Variants in LRRC4C observed in about 807,000 individuals in gnomAD.
LRRC4C encodes the protein leucine-rich repeat-containing protein 4C.
A neutral mutation model predicts 33.6 loss-of-function variants in LRRC4C; 5 were observed. The ratio of observed to expected loss-of-function variants is 0.15; its 90% CI spans 0.08 to 0.31. The LOEUF (loss-of-function observed/expected upper bound fraction) is 0.31. Ranked by LOEUF, LRRC4C falls within the 10% of genes least tolerant of loss-of-function variation. The pLI is 1.00. For missense variants in LRRC4C, 560 were observed against 796.7 expected (o/e 0.70, Z 3.58); for synonymous variants, 329 against 302.0 (o/e 1.09, Z -0.93).
intron 3 of LRRC4C, among the ~76,000 whole-genome samples, chr11:40,443,276 G>A (rs1224593347): frequency 6.6e-6 from 1 of 152,176 alleles, no homozygotes; most frequent in Non-Finnish European, 1.5e-5. Flanking sequence ...CAACTGTGAT[G>A]ACAAACAAGA....
intron 2 of LRRC4C, among the ~76,000 whole-genome samples, chr11:40,813,314 T>C (rs1951570206): frequency 6.6e-6 from 1 of 152,150 alleles, no homozygotes; most frequent in Non-Finnish European, 1.5e-5. Flanking sequence ...CTCATAATCA[T>C]GGCGGAAGGC....
intron 2 of LRRC4C, among the ~76,000 whole-genome samples, chr11:40,689,233 C>T (rs188285719): frequency 3.7e-4 from 56 of 152,062 alleles, no homozygotes; most frequent in South Asian, 2.1e-4. Flanking sequence ...ATCTGTACTA[C>T]GAATGTTCAC....
chr11:41,271,183 C>T (rs1377209797), intron 1 of LRRC4C, among the ~76,000 whole-genome samples: 1 of 152,096 alleles, frequency 6.6e-6, no homozygotes, highest in African/African-American at 2.4e-5. Context: ...TCATGCAAGT[C>T]TCCCCAGTTC....
At chr11:40,420,076 G>A (rs1283171754) in intron 3 of LRRC4C, among the ~76,000 whole-genome samples, 1 of 152,192 alleles carries the variant, frequency 6.6e-6, no homozygotes, top group African/African-American at 2.4e-5. Context: ...CAAATATTAT[G>A]AATAGATGTA....
intron 5 of LRRC4C, among the ~76,000 whole-genome samples, chr11:40,141,629 C>G (rs1857373542): frequency 1.3e-5 from 2 of 152,114 alleles, no homozygotes; most frequent in Non-Finnish European, 2.9e-5. Flanking sequence ...TAATCAAGAT[C>G]AAGGGACTGA....
At chr11:41,278,607 C>T (rs756642425) in intron 1 of LRRC4C, among the ~76,000 whole-genome samples, 1 of 152,176 alleles carries the variant, frequency 6.6e-6, no homozygotes, top group Non-Finnish European at 1.5e-5. Context: ...GGCCTCGCCC[C>T]CTGTGTTTCT....
chr11:41,094,899 T>C (rs568289364), intron 1 of LRRC4C, among the ~76,000 whole-genome samples: 2 of 152,138 alleles, frequency 1.3e-5, no homozygotes, highest in Non-Finnish European at 1.5e-5. Flanking sequence ...TCTAAAAAGG[T>C]AGAGCTTAAA....
chr11:40,357,390 A>C (rs1947720127), intron 3 of LRRC4C, among the ~76,000 whole-genome samples: 1 of 152,160 alleles, frequency 6.6e-6, no homozygotes, highest in Non-Finnish European at 1.5e-5. Context: ...GCTGCTTTAC[A>C]TTCTGTTTGG....
intron 3 of LRRC4C, among the ~76,000 whole-genome samples, chr11:40,620,424 A>G (rs951408320): frequency 2.0e-5 from 3 of 151,722 alleles, no homozygotes; most frequent in Non-Finnish European, 4.4e-5. Flanking sequence ...TTTCTCTTCC[A>G]CGGCTGGAAG....
intron 5 of LRRC4C, among the ~76,000 whole-genome samples, chr11:40,202,461 C>A (rs1346267308): frequency 6.6e-6 from 1 of 152,048 alleles, no homozygotes; most frequent in Non-Finnish European, 1.5e-5. Flanking sequence ...TCCCTCTGTG[C>A]CCAACACATT....
At chr11:40,907,791 A>T (rs1956488328) in intron 2 of LRRC4C, among the ~76,000 whole-genome samples, 1 of 152,350 alleles carries the variant, frequency 6.6e-6, no homozygotes, top group East Asian at 1.9e-4. Context: ...TTAAATCTCA[A>T]TGTGGCTTCT....
At chr11:40,133,022 G>A (rs1048099555) in intron 6 of LRRC4C, among the ~76,000 whole-genome samples, 7 of 152,164 alleles carry the variant, frequency 4.6e-5, no homozygotes, top group Non-Finnish European at 8.8e-5. Flanking sequence ...GATCTAAGAA[G>A]ACTATCTGAA....
At chr11:40,153,247 C>T (rs1858374904) in intron 5 of LRRC4C, among the ~76,000 whole-genome samples, 1 of 152,144 alleles carries the variant, frequency 6.6e-6, no homozygotes, top group Non-Finnish European at 1.5e-5. Context: ...GTGGGGAGTA[C>T]TATATCAAGG....
chr11:40,352,104 T>C (rs1947420853), intron 3 of LRRC4C, among the ~76,000 whole-genome samples: 1 of 106,928 alleles, frequency 9.4e-6, no homozygotes, highest in African/African-American at 3.0e-5. Flanking sequence ...CCTTTTTTCC[T>C]TTCTTTCTTC....
chr11:40,173,992 C>T lies in LRRC4C; in HGVS notation c.-95-33139G>A, dbSNP rs115866959. Among the ~76,000 whole-genome samples the T allele has an allele frequency of 5.2e-3, 796 of 152,234 alleles. 8 individuals carry two copies. The highest frequency in any genetic ancestry group is 0.018 in the African/African-American group (761 of 41,548). ...CCCGTTTAACTTACCAATGTGCAAA[C>T]TTGAACCAACCTTGTATAAGTTACC... On this transcript the variant is annotated intron_variant, in intron 5 of 6. Transcript: ENST00000528697.
At chr11:41,213,937 C>T (rs1946927845) in intron 1 of LRRC4C, among the ~76,000 whole-genome samples, 1 of 152,132 alleles carries the variant, frequency 6.6e-6, no homozygotes, top group Admixed American at 6.6e-5. Context: ...CTCATTTGTT[C>T]ATTCTGCTAT....
chr11:40,805,032 G>C (rs1216083337), intron 2 of LRRC4C, among the ~76,000 whole-genome samples: 2 of 152,142 alleles, frequency 1.3e-5, no homozygotes, highest in Non-Finnish European at 2.9e-5. Context: ...TTTTAATTGA[G>C]TGAGAAGTAT....
chr11:40,709,065 T>C (rs2136564536), intron 2 of LRRC4C, among the ~76,000 whole-genome samples: 1 of 152,324 alleles, frequency 6.6e-6, no homozygotes. Flanking sequence ...TGGTAGATTT[T>C]ACTCTATCCC....
intron 5 of LRRC4C, among the ~76,000 whole-genome samples, chr11:40,189,186 A>G (rs954975417): frequency 2.0e-5 from 3 of 152,172 alleles, no homozygotes; most frequent in Admixed American, 2.0e-4. Flanking sequence ...TATTTTAAAA[A>G]TGAGATTTCT....
Sources: gnomAD v4.1 joint callset for allele counts (sites outside exome capture counted in the v4.1 genomes callset) on GRCh38, gnomAD v4.1.1 for gene constraint, MANE v1.5 for transcripts, NCBI Gene and HGNC (gene_info 2026-07-23, HGNC 2026-07-21) for gene names.